The following SEMA3D variants were observed in gnomAD, a reference collection of about 807,000 sequenced individuals.
The protein encoded by SEMA3D is semaphorin 3D.
In SEMA3D, 84 loss-of-function variants were observed where a neutral mutation model predicts 100.1. The ratio of observed to expected loss-of-function variants is 0.84; its 90% CI spans 0.70 to 1.01. The LOEUF is 1.01. Ranked by LOEUF, SEMA3D falls within the 50% of genes least tolerant of loss-of-function variation. SEMA3D has a pLI of 0.00. For missense variants in SEMA3D, 875 were observed against 934.1 expected (o/e 0.94, Z 0.82); for synonymous variants, 312 against 320.7 (o/e 0.97, Z 0.29).
At chr7:85,071,277 G>A (rs1791766171) in intron 6 of SEMA3D, among the ~76,000 whole-genome samples, 1 of 152,146 alleles carries the variant, frequency 6.6e-6, no homozygotes, top group African/African-American at 2.4e-5. Context: ...ATGGATTCAA[G>A]TTACCAAGTC....
At chr7:85,029,094 G>T (rs1206974354) in intron 12 of SEMA3D, 2 of 570,528 alleles carry the variant, frequency 3.5e-6, no homozygotes, top group South Asian at 1.7e-5. Context: ...TTCCTACCAG[G>T]CAGACACAGA....
chr7:85,166,399 T>A lies in SEMA3D; in HGVS notation c.-172-12660A>T, dbSNP rs572635594. On this transcript the variant is annotated intron_variant, in intron 1 of 18. Transcript: ENST00000284136. ...AACATGAAAGTTTGAATCATGGTGT[T>A]GGCAGTGACGATGGAAAGGAGGCAA... Among the ~76,000 whole-genome samples, 14 of 152,076 alleles carry A rather than the reference T, an allele frequency of 9.2e-5. No homozygotes were observed. The South Asian group carries it at 1.7e-3, about 18-fold the overall frequency.
At chr7:85,167,276 G>C in intron 1 of SEMA3D, 6 of 984,996 alleles carry the variant, frequency 6.1e-6, no homozygotes, top group Non-Finnish European at 7.2e-6. Context: ...TGGTTAAATA[G>C]AGAAGTGAGG....
chr7:85,022,794 A>C (rs534639413), intron 12 of SEMA3D, among the ~76,000 whole-genome samples, 181 bp from the exon 13 acceptor site: 1 of 151,992 alleles, frequency 6.6e-6, no homozygotes, highest in South Asian at 2.1e-4. Flanking sequence ...ATTTAAACCC[A>C]GTTTTCTCCT....
chr7:85,042,881 A>G (rs1211600789), intron 9 of SEMA3D, among the ~76,000 whole-genome samples: 3 of 152,164 alleles, frequency 2.0e-5, no homozygotes. Context: ...AAAAAAGTCT[A>G]TAAAATGCTT....
At chr7:85,015,965 A>T (rs1437368047) in intron 15 of SEMA3D, among the ~76,000 whole-genome samples, 1 of 151,694 alleles carries the variant, frequency 6.6e-6, no homozygotes, top group Non-Finnish European at 1.5e-5. Flanking sequence ...GGTCCACTCT[A>T]GTGGACCATT....
At chr7:85,005,930 G>A (rs1789783949) in intron 18 of SEMA3D, among the ~76,000 whole-genome samples, 2 of 151,928 alleles carry the variant, frequency 1.3e-5, no homozygotes, top group Admixed American at 1.3e-4. Context: ...TTTCAATAAG[G>A]CTGATATTTT....
chr7:85,121,458 T>C (rs1431444568), intron 3 of SEMA3D, among the ~76,000 whole-genome samples: 1 of 152,184 alleles, frequency 6.6e-6, no homozygotes, highest in African/African-American at 2.4e-5. Flanking sequence ...AACATTTTTC[T>C]ATTTTTAGGA....
chr7:85,089,387 A>G (rs969222468), intron 4 of SEMA3D, among the ~76,000 whole-genome samples: 2 of 152,072 alleles, frequency 1.3e-5, no homozygotes, highest in East Asian at 1.9e-4. Flanking sequence ...CTAATAACCA[A>G]TCTGAAGTAG....
chr7:85,130,700 TAA>T (rs953288650), intron 2 of SEMA3D, among the ~76,000 whole-genome samples: 8 of 152,174 alleles, frequency 5.3e-5, no homozygotes, highest in African/African-American at 1.4e-4. Context: ...AACAAATATA[TAA>T]GTTTTATAAA....
intron 2 of SEMA3D, among the ~76,000 whole-genome samples, chr7:85,148,119 G>A (rs770669172): frequency 3.3e-5 from 5 of 152,034 alleles, no homozygotes; most frequent in Non-Finnish European, 7.4e-5. Flanking sequence ...AGGAAATGAA[G>A]ATTAAAAATA....
At chr7:85,033,882 C>CACACACAA (rs1377809346) in intron 12 of SEMA3D, among the ~76,000 whole-genome samples, 2 of 151,678 alleles carry the variant, frequency 1.3e-5, no homozygotes, top group African/African-American at 4.8e-5. Flanking sequence ...CACACACACA[C>CACACACAA]ACACACACAC....
chr7:85,067,589 G>A (rs570951532), intron 7 of SEMA3D, among the ~76,000 whole-genome samples: 1 of 152,230 alleles, frequency 6.6e-6, no homozygotes, highest in South Asian at 2.1e-4. Flanking sequence ...AAATTCAGAA[G>A]TCTTGCTGAC....
the SEMA3D span, among the ~76,000 whole-genome samples, chr7:85,239,124 AG>A: frequency 6.6e-6 from 1 of 152,176 alleles, no homozygotes; most frequent in Non-Finnish European, 1.5e-5. Context: ...CAAATGTTAA[AG>A]TGTGTTAGGA....
chr7:85,202,637 G>A, the SEMA3D span, among the ~76,000 whole-genome samples: 2 of 152,046 alleles, frequency 1.3e-5, no homozygotes, highest in South Asian at 2.1e-4. Context: ...ACTCAAACAA[G>A]TTTACAAGAA....
At chr7:85,201,743 GTC>G in the SEMA3D span, among the ~76,000 whole-genome samples, 6 of 150,972 alleles carry the variant, frequency 4.0e-5, no homozygotes, top group Admixed American at 6.6e-5. Context: ...TTCAGAGAGG[GTC>G]TCTCTCTCTC....
chr7:85,108,206 CT>C (rs1471673230), intron 3 of SEMA3D, among the ~76,000 whole-genome samples: 1 of 152,026 alleles, frequency 6.6e-6, no homozygotes, highest in African/African-American at 2.4e-5. Context: ...AAAATAATGT[CT>C]AAATCATTTC....
the SEMA3D span, among the ~76,000 whole-genome samples, chr7:85,192,767 G>A: frequency 2.0e-5 from 3 of 152,044 alleles, no homozygotes; most frequent in African/African-American, 7.2e-5. Context: ...ATAATATTGT[G>A]TCATCATAAT....
At chr7:85,080,531 G>C (rs1788025849) in intron 5 of SEMA3D, among the ~76,000 whole-genome samples, 1 of 152,116 alleles carries the variant, frequency 6.6e-6, no homozygotes, top group Non-Finnish European at 1.5e-5. Context: ...TTAGAGGTAC[G>C]ATTAAAGGAT....
Sources: gnomAD v4.1 joint callset for allele counts (sites outside exome capture counted in the v4.1 genomes callset) on GRCh38, gnomAD v4.1.1 for gene constraint, MANE v1.5 for transcripts, NCBI Gene and HGNC (gene_info 2026-07-23, HGNC 2026-07-21) for gene names.